HEG1: variants seen among roughly 807,000 people sequenced by gnomAD.
HEG1 encodes protein HEG homolog 1.
HEG1 carries 56 observed loss-of-function variants against 125.6 expected under a neutral mutation model. The observed-to-expected ratio is 0.45, with a 90% CI of 0.36 to 0.56. The LOEUF (loss-of-function observed/expected upper bound fraction) is 0.56, where lower values mean the gene tolerates loss of function less well. HEG1 is among the 20% of genes least tolerant of loss of function. The probability of loss-of-function intolerance (pLI) is 0.00; values close to 1 mark genes in which losing one functional copy is unlikely to be tolerated. For missense variants in HEG1, 1,523 were observed against 1,670.0 expected (o/e 0.91, Z 1.53); for synonymous variants, 644 against 668.5 (o/e 0.96, Z 0.57).
chr3:125,033,794 C>T (rs1328753493), intron 1 of HEG1, among the ~76,000 whole-genome samples: 2 of 152,218 alleles, frequency 1.3e-5, no homozygotes, highest in Non-Finnish European at 2.9e-5. Context: ...CGAGCATTAC[C>T]GCCTCAGCTC....
intron 1 of HEG1, 97 bp from the exon 2 acceptor site, chr3:125,029,585 G>C (rs940771876): frequency 1.7e-6 from 2 of 1,210,518 alleles, no homozygotes; most frequent in African/African-American, 3.0e-5. Flanking sequence ...TCAGTAGAGA[G>C]TGAATTCAAG....
chr3:125,043,365 AG>A (rs1937616355), intron 1 of HEG1, among the ~76,000 whole-genome samples: 1 of 152,146 alleles, frequency 6.6e-6, no homozygotes, highest in African/African-American at 2.4e-5. Context: ...CAGGAGTGAA[AG>A]ATGAAGGACC....
intron 14 of HEG1, among the ~76,000 whole-genome samples, chr3:124,981,434 G>A (rs916906125): frequency 5.9e-5 from 9 of 151,996 alleles, no homozygotes; most frequent in Admixed American, 2.6e-4. Context: ...CAGTTCACAC[G>A]GCAGACCACA....
chr3:124,987,948 C>CAT (rs1936766938), intron 14 of HEG1, among the ~76,000 whole-genome samples: 1 of 80,106 alleles, frequency 1.2e-5, no homozygotes, highest in African/African-American at 3.5e-5. Flanking sequence ...CACACACACA[C>CAT]ACACATATAT....
At chr3:124,998,808 G>A (rs1430820621) in intron 11 of HEG1, among the ~76,000 whole-genome samples, 2 of 152,180 alleles carry the variant, frequency 1.3e-5, no homozygotes, top group Non-Finnish European at 2.9e-5. Context: ...CTGGATAGTG[G>A]ATAGTACCTT....
chr3:125,029,654 C>T (rs1479101491), intron 1 of HEG1, among the ~76,000 whole-genome samples, 166 bp from the exon 2 acceptor site: 1 of 152,198 alleles, frequency 6.6e-6, no homozygotes, highest in African/African-American at 2.4e-5. Context: ...CTTTGGGAGG[C>T]TGAGGCGGGT....
At chr3:125,051,938 C>A (rs1231211764) in intron 1 of HEG1, among the ~76,000 whole-genome samples, 1 of 152,150 alleles carries the variant, frequency 6.6e-6, no homozygotes, top group Non-Finnish European at 1.5e-5. Flanking sequence ...GCCTCCAGGA[C>A]AAGGATGCAG....
chr3:124,966,352 C>G lies in HEG1; in HGVS notation c.*4300G>C, dbSNP rs139942473. On this transcript the variant is annotated 3_prime_UTR_variant, in exon 17 of 17. Coordinates refer to ENST00000311127, the MANE Select transcript of HEG1 (RefSeq NM_020733.2). ...TTACACCAGATATGATGGAGTATAACGCTAATGAAGATACTTTACTACAAC... is the reference window on the plus strand; with the variant it reads ...TTACACCAGATATGATGGAGTATAAGGCTAATGAAGATACTTTACTACAAC... 1.3e-5 allele frequency: 2 copies of G among 151,916 alleles called. No individual in the cohort carries two copies. The highest frequency in any genetic ancestry group is 4.8e-5 in the African/African-American group (2 of 41,370). The allele number at this position is 151,916 out of a possible 1,614,324, so 9.4% of individuals were successfully genotyped here. A position where few individuals can be genotyped will look rare whatever the true frequency, so the allele number is the denominator to read the frequency against.
rs1440908812 is a variant in HEG1 at position 125,055,745 on chromosome 3, C to T, written c.146G>A (p.Gly49Glu). 8.4e-5 allele frequency: 86 copies of T among 1,021,920 alleles called. No individual in the cohort carries two copies. The highest frequency in any genetic ancestry group is 9.7e-5 in the Non-Finnish European group (83 of 855,610). The allele number at this position is 1,021,920 out of a possible 1,614,324, so 63.3% of individuals were successfully genotyped here. A position where few individuals can be genotyped will look rare whatever the true frequency, so the allele number is the denominator to read the frequency against. Reference sequence around the variant, plus strand: ...CTCCAGCTGCAGCTCCAGCCCCGCTCCCGCGAGGGGCGCCAGGCTCAGCGC... The same window carrying T: ...CTCCAGCTGCAGCTCCAGCCCCGCTTCCGCGAGGGGCGCCAGGCTCAGCGC... ...RRALSLAPLA[G>E]AGLELQLERR... The change falls in exon 1 of 17, where the codon GGA (glycine) becomes GAA (glutamate). Residue 49 changes from glycine (G) to glutamate (E), a missense_variant. Transcript: ENST00000311127.
intron 14 of HEG1, among the ~76,000 whole-genome samples, chr3:124,985,393 A>T (rs575977125): frequency 3.5e-4 from 54 of 152,314 alleles, no homozygotes; most frequent in African/African-American, 1.2e-3. Flanking sequence ...GTTATTTTTT[A>T]AAAAAGGAAT....
chr3:124,983,670 A>G (rs1443219994), intron 14 of HEG1, among the ~76,000 whole-genome samples: 1 of 151,750 alleles, frequency 6.6e-6, no homozygotes, highest in East Asian at 1.9e-4. Context: ...TTCCTCCTCC[A>G]TCTCTGTTCA....
intron 10 of HEG1, 110 bp from the exon 11 acceptor site, chr3:125,002,122 G>T (rs774834378): frequency 2.2e-5 from 33 of 1,509,004 alleles, no homozygotes; most frequent in Non-Finnish European, 2.9e-5. Context: ...GGGAGAGCAT[G>T]AAGGTCAGTG....
intron 1 of HEG1, among the ~76,000 whole-genome samples, chr3:125,050,782 C>T (rs188736984): frequency 6.6e-6 from 1 of 152,346 alleles, no homozygotes; most frequent in East Asian, 1.9e-4. Context: ...GTAAATATAT[C>T]TTGATTTACA....
At position 125,014,847 on chromosome 3, in the gene HEG1, C is replaced by T. The variant is rs1937220041; in HGVS notation, c.1589-857G>A. The T allele has an allele frequency of 7.8e-6, 10 of 1,289,894 alleles. No homozygotes were observed. The South Asian group carries it at 9.9e-5, about 13-fold the overall frequency. 79.9% of individuals were successfully genotyped at this position (1,289,894 alleles called of 1,614,324 possible). ...GCTGCCTGCTTCCCCAGAAGTCGTG[C>T]TCATGCTGGTGTTGGTGAGGGTGAC... On this transcript the variant is annotated intron_variant, in intron 5 of 16. Transcript: ENST00000311127.
At chr3:125,032,129 T>C (rs1216199236) in intron 1 of HEG1, among the ~76,000 whole-genome samples, 1 of 152,218 alleles carries the variant, frequency 6.6e-6, no homozygotes, top group African/African-American at 2.4e-5. Context: ...AAGAGCTCCA[T>C]AGCCACACGT....
intron 8 of HEG1, among the ~76,000 whole-genome samples, chr3:125,006,938 G>A (rs183835900): frequency 1.7e-3 from 265 of 152,136 alleles, no homozygotes; most frequent in African/African-American, 6.3e-3. Context: ...GGTGGCTCAC[G>A]CCTGTAATCC....
rs1350714130 is a variant in HEG1, at chr3:124,990,823, A to G, written c.3697T>C (p.Cys1233Arg). 2 of 1,563,786 alleles carry G rather than the reference A, an allele frequency of 1.3e-6. No individual in the cohort carries two copies. Among genetic ancestry groups the G allele is most frequent in the East Asian group, 2.4e-5 (1 of 42,366 alleles). ...YRLENETCMS[C>R]PFGLGGLNCG... ...TTGAGACCACCAAGGCCAAATGGGC[A>G]ACTGCAAGCCAAGAAAGAAAAAAGG... Residue 1233 changes from cysteine (C) to arginine (R), a missense_variant and splice_region_variant, in exon 14 of 17, where the codon TGC becomes CGC. Transcript: ENST00000311127.
chr3:125,053,951 G>A (rs570348572), intron 1 of HEG1, among the ~76,000 whole-genome samples: 1 of 152,336 alleles, frequency 6.6e-6, no homozygotes, highest in South Asian at 2.1e-4. Context: ...GCCCCTGCAA[G>A]TCAGTGTCCC....
Position 125,055,853 on chromosome 3 carries a change from A to AGCG in HEG1, c.35_37dup (p.Pro12dup), listed in dbSNP as rs985403908. The AGCG allele has an allele frequency of 1.0e-6, 1 of 980,066 alleles. No homozygotes were observed. Among genetic ancestry groups the AGCG allele is most frequent in the African/African-American group, 1.8e-5 (1 of 56,208 alleles). 60.7% of individuals were successfully genotyped at this position (980,066 alleles called of 1,614,324 possible). ...CAGCAGCGGCAGCAACAGCAGCAGG[A>AGCG]GCGGCGGCGGCCACCGCGAGGCGCG... On this transcript the variant is annotated inframe_insertion, in exon 1 of 17. Transcript: ENST00000311127.
Sources: allele counts gnomAD v4.1 joint callset (sites outside exome capture counted in the v4.1 genomes callset), GRCh38; gene constraint gnomAD v4.1.1; transcripts MANE v1.5; gene names NCBI Gene and HGNC (gene_info 2026-07-23, HGNC 2026-07-21).